Variants in TPCN1 observed in about 807,000 individuals in gnomAD.
TPCN1 encodes two pore channel protein 1.
Under a neutral mutation model 108.8 loss-of-function variants are expected in TPCN1, and 52 were observed. That is an observed-to-expected ratio of 0.48 (90% CI 0.38 to 0.60). TPCN1 has a LOEUF of 0.60. Ranked by LOEUF, TPCN1 falls within the 20% of genes least tolerant of loss-of-function variation. TPCN1 has a pLI of 0.00. For synonymous variants in TPCN1, 446 were observed against 433.7 expected, an observed-to-expected ratio of 1.03 and a Z score of -0.35; for missense variants, 806 against 1,072.8, an observed-to-expected ratio of 0.75 and a Z score of 3.47.
intron 15 of TPCN1, among the ~76,000 whole-genome samples, chr12:113,281,411 T>A (rs1243430026): frequency 6.6e-6 from 1 of 152,148 alleles, no homozygotes; most frequent in African/African-American, 2.4e-5. Flanking sequence ...AAAATAAATA[T>A]CCAGGTTCCC....
chr12:113,241,793 T>TGTGTGTGTGCGC (rs776600301), intron 2 of TPCN1, among the ~76,000 whole-genome samples: 20 of 150,542 alleles, frequency 1.3e-4, no homozygotes, highest in Non-Finnish European at 2.5e-4. Flanking sequence ...TGTGTGTGTG[T>TGTGTGTGTGCGC]GCGTGTGTGT....
In TPCN1 at chr12:113,293,345, T is replaced by C. The variant is rs138545369; in HGVS notation, c.2330T>C (p.Ile777Thr). ...DLSLKMYQEEIQEWYEEHARE... is the reference protein window; with the variant it reads ...DLSLKMYQEETQEWYEEHARE... The stretch of plus-strand genomic sequence containing the variant: ...AGCCTGAAGATGTACCAGGAGGAGA[T>C]CCAGGTAGGAGCCTGGCCGACCACG... Residue 777 changes from isoleucine (I) to threonine (T), a missense_variant, in exon 27 of 28, where the codon ATC (isoleucine) becomes ACC (threonine). Physicochemically the swap from Ile to Thr is moderately conservative, Grantham distance 89. Transcript: ENST00000335509. The C allele has an allele frequency of 6.8e-6, 11 of 1,613,864 alleles. No individual in the cohort carries two copies. The highest frequency in any genetic ancestry group is 9.3e-6 in the Non-Finnish European group (11 of 1,179,984).
Position 113,272,793 on chromosome 12 carries a change from C to G in TPCN1, c.783+101C>G. The G allele has an allele frequency of 8.3e-7, 1 of 1,198,048 alleles. No individual in the cohort carries two copies. The highest frequency in any genetic ancestry group is 1.2e-6 in the Non-Finnish European group (1 of 802,902). The allele number at this position is 1,198,048 out of a possible 1,614,324, so 74.2% of individuals were successfully genotyped here. A position where few individuals can be genotyped will look rare whatever the true frequency, so the allele number is the denominator to read the frequency against. ...CTGTGGCCATATGGGGAAGGGGGGG[C>G]CTGCCTGGTTTCTCATCATAGCTTG... On this transcript the variant is annotated intron_variant, in intron 8 of 27. Transcript: ENST00000335509. The surrounding 1 kb of genome is among the most constrained non-coding windows in gnomAD (Gnocchi z 4.1).
chr12:113,280,468 CTT>C (rs1338676347), intron 15 of TPCN1, among the ~76,000 whole-genome samples: 2 of 152,126 alleles, frequency 1.3e-5, no homozygotes, highest in African/African-American at 4.8e-5. Flanking sequence ...CGATATGTCT[CTT>C]GAGTTTGTTT....
chr12:113,225,358 C>T (rs1337582224), intron 1 of TPCN1: 1 of 366,344 alleles, frequency 2.7e-6, no homozygotes, highest in Non-Finnish European at 5.5e-6. Context: ...TGTGCCCAGC[C>T]TATTTTTTTC....
At chr12:113,243,362 C>T (rs77458805) in intron 2 of TPCN1, among the ~76,000 whole-genome samples, 16,170 of 151,000 alleles carry the variant, frequency 0.11, 1,000 homozygotes, top group East Asian at 0.2. Flanking sequence ...AGAGTGGGAC[C>T]CTGTCTCAAA....
At chr12:113,242,423 C>T (rs1018022249) in intron 2 of TPCN1, among the ~76,000 whole-genome samples, 1 of 152,216 alleles carries the variant, frequency 6.6e-6, no homozygotes, top group African/African-American at 2.4e-5. Flanking sequence ...CCGTCGTTTC[C>T]TCCCTCTGTG....
At chr12:113,252,403 G>T (rs1954677571) in intron 2 of TPCN1, among the ~76,000 whole-genome samples, 1 of 152,194 alleles carries the variant, frequency 6.6e-6, no homozygotes, top group South Asian at 2.1e-4. Context: ...GGAACGGGCT[G>T]AGAGAGCCTC....
At chr12:113,242,308 A>G (rs936128553) in intron 2 of TPCN1, among the ~76,000 whole-genome samples, 1 of 152,186 alleles carries the variant, frequency 6.6e-6, no homozygotes, top group Non-Finnish European at 1.5e-5. Flanking sequence ...GCTCCACACC[A>G]TTAGTCCCCA....
At chr12:113,230,607 T>TA (rs1953653330) in intron 2 of TPCN1, among the ~76,000 whole-genome samples, 1 of 152,184 alleles carries the variant, frequency 6.6e-6, no homozygotes, top group Non-Finnish European at 1.5e-5. Flanking sequence ...TGTTTTATCT[T>TA]AGTCACCTTT....
Position 113,296,254 on chromosome 12 carries a change from A to C in TPCN1, c.*178A>C. ...TAACCACCTTGCCCTGTCTTCCTTA[A>C]CTCCAGAAGCCAGTTTGGTGAGGGG... On this transcript the variant is annotated 3_prime_UTR_variant, in exon 28 of 28. Transcript: ENST00000335509. 3.0e-6 allele frequency: 3 copies of C among 998,732 alleles called. No homozygotes were observed. Among genetic ancestry groups the C allele is most frequent in the Admixed American group, 2.9e-5 (1 of 34,684 alleles). 61.9% of individuals were successfully genotyped at this position (998,732 alleles called of 1,614,324 possible).
At chr12:113,229,683 G>A (rs1953608155) in intron 2 of TPCN1, among the ~76,000 whole-genome samples, 1 of 152,144 alleles carries the variant, frequency 6.6e-6, no homozygotes, top group Non-Finnish European at 1.5e-5. Flanking sequence ...TGGAGACGGG[G>A]GTTTTACCAT....
intron 2 of TPCN1, among the ~76,000 whole-genome samples, chr12:113,233,635 ATGCCTGGGGAGAGGATG>A (rs1287848819): frequency 6.6e-6 from 1 of 152,186 alleles, no homozygotes; most frequent in Non-Finnish European, 1.5e-5. Context: ...GCAGTCAGGT[ATGCCTGGGGAGAGGATG>A]TGCCTGGGTC....
At position 113,284,903 on chromosome 12, in the gene TPCN1, C is replaced by T; in HGVS notation, c.1453+132C>T. 1 of 1,014,564 alleles carries T rather than the reference C, an allele frequency of 9.9e-7. No individual in the cohort carries two copies. The highest frequency in any genetic ancestry group is 1.4e-5 in the South Asian group (1 of 68,966). 62.8% of individuals were successfully genotyped at this position (1,014,564 alleles called of 1,614,324 possible). A position where few individuals can be genotyped will look rare whatever the true frequency, so the allele number is the denominator to read the frequency against. On this transcript the variant is annotated intron_variant, in intron 17 of 27. Coordinates refer to ENST00000335509, the MANE Select transcript of TPCN1 (RefSeq NM_017901.6). The surrounding 1 kb of genome is among the most constrained non-coding windows in gnomAD (Gnocchi z 4.1). ...AAGAGACGGAGTAATCAGTCTGATT[C>T]CATCTCGTCCCCGTTTAAAACTCTT...
rs1430190502 is a variant in TPCN1 at position 113,288,758 on chromosome 12, C to A, written c.1707C>A (p.Ser569Arg). 6.2e-7 allele frequency: 1 copy of A among 1,612,392 alleles called. No homozygotes were observed. The highest frequency in any genetic ancestry group is 1.3e-5 in the African/African-American group (1 of 75,062). Reference protein sequence around the residue: ...TMFELLPRMASLGLTLLIFYY... With the variant: ...TMFELLPRMARLGLTLLIFYY... ...TCACCCTGCCCCTGTCGCCCCACAG[C>A]CTGGGCCTCACCCTGCTCATCTTTT... The change falls in exon 21 of 28, where the codon AGC becomes AGA. Residue 569 changes from serine to arginine, a missense_variant and splice_region_variant. Coordinates refer to ENST00000335509, the MANE Select transcript of TPCN1 (RefSeq NM_017901.6). This position sits in a 1 kb window ranked among gnomAD's most constrained non-coding sequence, Gnocchi z 4.8.
Position 113,292,284 on chromosome 12 carries a change from C to T in TPCN1, c.2113+326C>T, listed in dbSNP as rs1956293608. The stretch of plus-strand genomic sequence containing the variant: ...TCCTCCAGAGGCTTCTCCTTCTTGG[C>T]TATTTCTTCTGTTAGTCATCTCCAC... On this transcript the variant is annotated intron_variant, in intron 25 of 27. Transcript: ENST00000335509. The T allele has an allele frequency of 1.2e-5, 4 of 339,514 alleles. No homozygotes were observed. In the South Asian group the frequency reaches 1.5e-4, roughly 12 times the overall value. 21.0% of individuals were successfully genotyped at this position (339,514 alleles called of 1,614,324 possible). A position where few individuals can be genotyped will look rare whatever the true frequency, so the allele number is the denominator to read the frequency against.
In TPCN1 at chr12:113,284,885, G is replaced by T; in HGVS notation, c.1453+114G>T. 2.5e-6 allele frequency: 3 copies of T among 1,182,610 alleles called. No homozygotes were observed. Among genetic ancestry groups the T allele is most frequent in the Non-Finnish European group, 3.8e-6 (3 of 799,492 alleles). 73.3% of individuals were successfully genotyped at this position (1,182,610 alleles called of 1,614,324 possible). On this transcript the variant is annotated intron_variant, in intron 17 of 27. Transcript: ENST00000335509. This position sits in a 1 kb window ranked among gnomAD's most constrained non-coding sequence, Gnocchi z 4.1. ...CTAAAACAGGAAGCTATAAAGAGAC[G>T]GAGTAATCAGTCTGATTCCATCTCG...
chr12:113,278,576 A>G (rs749744635), intron 13 of TPCN1, among the ~76,000 whole-genome samples, 196 bp from the exon 14 acceptor site: 2 of 152,218 alleles, frequency 1.3e-5, no homozygotes, highest in Non-Finnish European at 2.9e-5. Context: ...GGACTATACT[A>G]AAATAAGGCC....
At chr12:113,276,841 A>G (rs958934804) in intron 10 of TPCN1, 78 bp from the exon 11 acceptor site, 10 of 955,674 alleles carry the variant, frequency 1.0e-5, no homozygotes, top group African/African-American at 3.2e-5. Flanking sequence ...TGCCTAGATG[A>G]TGAACTCATA....
Sources: allele counts gnomAD v4.1 joint callset (sites outside exome capture counted in the v4.1 genomes callset), GRCh38; gene constraint gnomAD v4.1.1; non-coding constraint Gnocchi (gnomAD v3.1); transcripts MANE v1.5; gene names NCBI Gene and HGNC (gene_info 2026-07-23, HGNC 2026-07-21).